Variants in DOCK9 observed in about 807,000 individuals in gnomAD.
The protein encoded by DOCK9 is dedicator of cytokinesis 9.
In DOCK9, 89 loss-of-function variants were observed where a neutral mutation model predicts 263.3. That is an observed-to-expected ratio of 0.34 (90% CI 0.28 to 0.40). The LOEUF (loss-of-function observed/expected upper bound fraction) is 0.40. Ranked by LOEUF, DOCK9 falls within the 10% of genes least tolerant of loss-of-function variation. The pLI, the probability that DOCK9 is intolerant of heterozygous loss-of-function variation, is 1.00. For synonymous variants in DOCK9, 976 were observed against 973.1 expected, an observed-to-expected ratio of 1.00 and a Z score of -0.06; for missense variants, 2,140 against 2,603.4, an observed-to-expected ratio of 0.82 and a Z score of 3.87.
chr13:98,986,059 T>C (rs1240633525), intron 1 of DOCK9, among the ~76,000 whole-genome samples: 2 of 152,236 alleles, frequency 1.3e-5, no homozygotes, highest in Non-Finnish European at 2.9e-5. Context: ...AGCGCTCAAG[T>C]TTTCCTTTCT....
At chr13:99,017,546 A>C (rs1452425400) in intron 1 of DOCK9, among the ~76,000 whole-genome samples, 4 of 152,218 alleles carry the variant, frequency 2.6e-5, no homozygotes, top group Admixed American at 2.6e-4. Context: ...TTTACCGAGA[A>C]TTAGAAATAA....
intron 45 of DOCK9, among the ~76,000 whole-genome samples, chr13:98,818,817 A>G: frequency 6.6e-6 from 1 of 151,896 alleles, no homozygotes; most frequent in East Asian, 1.9e-4. Context: ...GTCTCTGGAA[A>G]CAGCACACTA....
chr13:99,046,464 G>A (rs984658171), intron 1 of DOCK9, among the ~76,000 whole-genome samples: 1 of 152,206 alleles, frequency 6.6e-6, no homozygotes, highest in African/African-American at 2.4e-5. Context: ...TTTGCGCCCA[G>A]TATGCTAACC....
At chr13:98,840,380 T>C (rs940195656) in intron 38 of DOCK9, among the ~76,000 whole-genome samples, 4 of 152,242 alleles carry the variant, frequency 2.6e-5, no homozygotes, top group African/African-American at 4.8e-5. Flanking sequence ...GCAGGACTTC[T>C]GCAGGGACGT....
chr13:98,803,985 C>T (rs1200534103), intron 49 of DOCK9, among the ~76,000 whole-genome samples: 2 of 150,534 alleles, frequency 1.3e-5, no homozygotes, highest in Non-Finnish European at 2.9e-5. Flanking sequence ...ATAAACCCCA[C>T]GCCATCCAGT....
At chr13:99,025,490 C>T (rs1224651840) in intron 1 of DOCK9, 1 of 152,184 alleles carries the variant, frequency 6.6e-6, no homozygotes, top group Non-Finnish European at 1.5e-5. Context: ...ATCAAAAAGA[C>T]AAGTATTGGT....
At chr13:98,865,350 G>A (rs1228130289) in intron 30 of DOCK9, among the ~76,000 whole-genome samples, 3 of 152,158 alleles carry the variant, frequency 2.0e-5, no homozygotes, top group Non-Finnish European at 4.4e-5. Context: ...GGGATTGTAA[G>A]TGCGAGCCAC....
chr13:98,825,412 C>T lies in DOCK9; in HGVS notation c.5024-908G>A, dbSNP rs1399365839. ...AGAGGAACACAGGGTATTCTGAAAT[C>T]AAGCCTTGAAAACGGAGATCCTGAA... On this transcript the variant is annotated intron_variant, in intron 44 of 52. Coordinates refer to ENST00000682017, the MANE Select transcript of DOCK9 (RefSeq NM_001366683.2). The surrounding 1 kb of genome is among the most constrained non-coding windows in gnomAD (Gnocchi z 4.1). 1.3e-5 allele frequency among the ~76,000 whole-genome samples: 2 copies of T among 152,192 alleles called. No homozygotes were observed. The highest frequency in any genetic ancestry group is 1.9e-4 in the East Asian group (1 of 5,202).
intron 9 of DOCK9, among the ~76,000 whole-genome samples, chr13:98,905,117 G>T (rs1454613762): frequency 4.1e-4 from 62 of 152,214 alleles, no homozygotes; most frequent in Admixed American, 4.0e-3. Context: ...AATGAGCCCA[G>T]ATGATAGACA....
At chr13:99,019,427 T>C (rs1438467735) in intron 1 of DOCK9, among the ~76,000 whole-genome samples, 3 of 152,222 alleles carry the variant, frequency 2.0e-5, no homozygotes, top group Non-Finnish European at 2.9e-5. Flanking sequence ...TTGTGATGCT[T>C]TGAAGCCTCA....
intron 2 of DOCK9, among the ~76,000 whole-genome samples, chr13:98,952,142 C>T (rs2057508973): frequency 6.6e-6 from 1 of 151,916 alleles, no homozygotes; most frequent in East Asian, 1.9e-4. Flanking sequence ...AGGTGATCCA[C>T]CTGCCTCGGA....
At chr13:99,000,985 A>G (rs1464024969) in intron 1 of DOCK9, among the ~76,000 whole-genome samples, 1 of 152,182 alleles carries the variant, frequency 6.6e-6, no homozygotes, top group East Asian at 1.9e-4. Flanking sequence ...GCAACAGCAG[A>G]AGAGAGGACA....
At chr13:99,023,835 C>A (rs1043634888) in intron 1 of DOCK9, among the ~76,000 whole-genome samples, 1 of 152,124 alleles carries the variant, frequency 6.6e-6, no homozygotes, top group Non-Finnish European at 1.5e-5. Flanking sequence ...TGTTGTTAAG[C>A]GATGAATGAC....
At chr13:99,082,564 TAAA>T (rs200598443) in intron 1 of DOCK9, among the ~76,000 whole-genome samples, 1 of 22,960 alleles carries the variant, frequency 4.4e-5, no homozygotes, top group Admixed American at 4.5e-4. Flanking sequence ...AATAAATAAA[TAAA>T]AAAAAACAGC....
At chr13:98,928,583 CAT>C (rs1364496301) in intron 3 of DOCK9, among the ~76,000 whole-genome samples, 1 of 152,206 alleles carries the variant, frequency 6.6e-6, no homozygotes, top group Non-Finnish European at 1.5e-5. Flanking sequence ...AATTTTGCCA[CAT>C]GCTTTAAAAC....
intron 9 of DOCK9, among the ~76,000 whole-genome samples, chr13:98,905,781 A>C (rs1595174984): frequency 3.6e-5 from 1 of 27,486 alleles, no homozygotes. Context: ...TTTCACTTAA[A>C]AAAAAAAAAA....
chr13:98,849,654 A>C (rs1435805615), intron 36 of DOCK9, among the ~76,000 whole-genome samples: 1 of 152,188 alleles, frequency 6.6e-6, no homozygotes, highest in Non-Finnish European at 1.5e-5. Flanking sequence ...ATGCTACATA[A>C]GATTTCACTT....
chr13:99,007,533 T>C (rs1165505111), intron 1 of DOCK9, among the ~76,000 whole-genome samples: 1 of 152,160 alleles, frequency 6.6e-6, no homozygotes, highest in Non-Finnish European at 1.5e-5. Context: ...TTCTACTCAG[T>C]ATTTCTGCTG....
chr13:98,962,269 T>G (rs1368172963), intron 1 of DOCK9, among the ~76,000 whole-genome samples: 1 of 152,238 alleles, frequency 6.6e-6, no homozygotes, highest in Non-Finnish European at 1.5e-5. Flanking sequence ...TTCCCTGGAT[T>G]TCTGGTGTTT....
Sources: gnomAD v4.1 joint callset for allele counts (sites outside exome capture counted in the v4.1 genomes callset) on GRCh38, gnomAD v4.1.1 for gene constraint, Gnocchi (gnomAD v3.1) non-coding constraint, MANE v1.5 for transcripts, NCBI Gene and HGNC (gene_info 2026-07-23, HGNC 2026-07-21) for gene names.